Variants in CCDC9 observed in about 807,000 individuals in gnomAD.
CCDC9 encodes coiled-coil domain containing 9.
In CCDC9, 52 loss-of-function variants were observed where a neutral mutation model predicts 65.6. That is an observed-to-expected ratio of 0.79 (90% CI 0.63 to 1.00). CCDC9 has a LOEUF of 1.00. Ranked by LOEUF, CCDC9 falls within the 50% of genes least tolerant of loss-of-function variation. The pLI, the probability that CCDC9 is intolerant of heterozygous loss-of-function variation, is 0.00. For missense variants in CCDC9, 834 were observed against 757.2 expected (o/e 1.10, Z -1.19); for synonymous variants, 332 against 280.3 (o/e 1.18, Z -1.84).
Position 47,258,106 on chromosome 19 carries a change from G to A in CCDC9, c.-71-224G>A, listed in dbSNP as rs888940125. On this transcript the variant is annotated intron_variant, in intron 1 of 11. Coordinates refer to ENST00000221922, the MANE Select transcript of CCDC9 (RefSeq NM_015603.3). ...TCCCCAAGGTGGGTTTGACTAGATC[G>A]TTTACATGGGAACTGGGTGAGTCCA... 11 of 509,676 alleles carry A rather than the reference G, an allele frequency of 2.2e-5. No homozygotes were observed. The East Asian group carries it at 3.9e-4, about 18-fold the overall frequency. The allele number at this position is 509,676 out of a possible 1,614,324, so 31.6% of individuals were successfully genotyped here. A position where few individuals can be genotyped will look rare whatever the true frequency, so the allele number is the denominator to read the frequency against.
At chr19:47,270,017 C>T (rs2059105169) in intron 8 of CCDC9, among the ~76,000 whole-genome samples, 2 of 151,720 alleles carry the variant, frequency 1.3e-5, no homozygotes, top group South Asian at 4.2e-4. Flanking sequence ...CACCCAGGCT[C>T]GAGTACAGTG....
At chr19:47,262,414 G>A (rs1233139205) in intron 5 of CCDC9, among the ~76,000 whole-genome samples, 3 of 151,864 alleles carry the variant, frequency 2.0e-5, no homozygotes, top group Non-Finnish European at 4.4e-5. Flanking sequence ...ATGGGGTTTC[G>A]CCATGTTGGC....
chr19:47,272,281 G>A (rs764367080), downstream of CCDC9: 46 of 676,746 alleles, frequency 6.8e-5, no homozygotes, highest in Admixed American at 8.8e-5. Flanking sequence ...GACCATAGAG[G>A]TGAGGTGAAA....
intron 8 of CCDC9, among the ~76,000 whole-genome samples, chr19:47,268,628 T>G (rs78455130): frequency 0.14 from 21,929 of 151,978 alleles, 1,716 homozygotes; most frequent in South Asian, 0.26. Flanking sequence ...ATGAATAATG[T>G]TTGTGTGGGC....
chr19:47,272,033 G>A (rs914583225), downstream of CCDC9: 169 of 1,237,306 alleles, frequency 1.4e-4, no homozygotes, highest in Non-Finnish European at 1.7e-4. Flanking sequence ...GATGTCAGGC[G>A]GGAAAGGGGG....
Position 47,260,599 on chromosome 19 carries a change from G to A in CCDC9, c.222G>A (p.Leu74=). 6.5e-7 allele frequency: 1 copy of A among 1,529,234 alleles called. No individual in the cohort carries two copies. The highest frequency in any genetic ancestry group is 8.7e-7 in the Non-Finnish European group (1 of 1,146,808). 94.7% of individuals were successfully genotyped at this position (1,529,234 alleles called of 1,614,324 possible). A position where few individuals can be genotyped will look rare whatever the true frequency, so the allele number is the denominator to read the frequency against. ...CTCCCCTCTTCCAGGAGAAGAACCT[G>A]GGTCCTTCCCGGAGGTCTCCTGGGA... ...ENVAVESEKN[L]GPSRRSPGTP... The change falls in exon 5 of 12, where the codon CTG becomes CTA. Residue 74 remains leucine, a synonymous_variant. Coordinates refer to ENST00000221922, the MANE Select transcript of CCDC9 (RefSeq NM_015603.3).
In CCDC9 at chr19:47,264,875, C is replaced by G; in HGVS notation, c.649C>G (p.Arg217Gly). 2.0e-6 allele frequency: 3 copies of G among 1,482,118 alleles called. No individual in the cohort carries two copies. The highest frequency in any genetic ancestry group is 2.3e-5 in the East Asian group (1 of 42,594). The allele number at this position is 1,482,118 out of a possible 1,614,324, so 91.8% of individuals were successfully genotyped here. The change falls in exon 7 of 12, where the codon CGC (arginine) becomes GGC (glycine). Residue 217 changes from arginine to glycine, a missense_variant. Arg to Gly is a moderately radical substitution (Grantham distance 125, BLOSUM62 -2). Transcript: ENST00000221922. ...TGAGCGGGACCGCCGGGAGGAGAGC[C>G]GCCGGCACGGCCGCAACTGGGGGGG... is the stretch of plus-strand genomic sequence containing the variant. ...ESERDRREES[R>G]RHGRNWGGPD... is the part of the protein sequence containing the mutation.
chr19:47,261,660 C>T (rs1204913684), intron 5 of CCDC9, among the ~76,000 whole-genome samples: 1 of 139,434 alleles, frequency 7.2e-6, no homozygotes, highest in Non-Finnish European at 1.5e-5. Context: ...CACAGTGAGC[C>T]GAGATCATGC....
chr19:47,275,353 CCCTT>C, downstream of CCDC9: 1 of 1,536,914 alleles, frequency 6.5e-7, no homozygotes, highest in Non-Finnish European at 8.8e-7. Context: ...GGGTAACTCT[CCCTT>C]CCACCCCAAC....
chr19:47,273,257 A>G (rs2059134769), downstream of CCDC9: 3 of 692,196 alleles, frequency 4.3e-6, no homozygotes, highest in Non-Finnish European at 6.1e-6. Context: ...CAAGGGCTCG[A>G]ACTGGATGAG....
At chr19:47,265,777 T>A (rs1475193641) in intron 7 of CCDC9, among the ~76,000 whole-genome samples, 1 of 150,214 alleles carries the variant, frequency 6.7e-6, no homozygotes, top group Non-Finnish European at 1.5e-5. Flanking sequence ...AAGCTCCGAC[T>A]CCCGGGTTCA....
Position 47,271,727 on chromosome 19 carries a change from G to GTT in CCDC9, c.*50_*51insTT. ...TGTGTGTGTGTGTGTGTGTGTGTGTGTGTGTGCGCGCGCGCGCGCGCGCGC... is the reference window on the plus strand; with the variant it reads ...TGTGTGTGTGTGTGTGTGTGTGTGTGTTTGTGTGCGCGCGCGCGCGCGCGCGC... On this transcript the variant is annotated 3_prime_UTR_variant, in exon 12 of 12. Transcript: ENST00000221922. 1.2e-6 allele frequency: 1 copy of GTT among 815,000 alleles called. No individual in the cohort carries two copies. The highest frequency in any genetic ancestry group is 1.5e-6 in the Non-Finnish European group (1 of 669,276). The allele number at this position is 815,000 out of a possible 1,614,324, so 50.5% of individuals were successfully genotyped here.
intron 3 of CCDC9, among the ~76,000 whole-genome samples, chr19:47,259,978 G>T (rs1176928619): frequency 6.6e-6 from 1 of 152,170 alleles, no homozygotes; most frequent in African/African-American, 2.4e-5. Context: ...ATCCGCTGGC[G>T]CAAAGCCCCT....
intron 3 of CCDC9, among the ~76,000 whole-genome samples, chr19:47,259,714 G>A (rs1282992472): frequency 1.3e-5 from 2 of 152,220 alleles, no homozygotes; most frequent in Admixed American, 6.5e-5. Context: ...TGGGATACAC[G>A]TCAGTGACAT....
chr19:47,270,262 C>A, intron 8 of CCDC9, 145 bp from the exon 9 acceptor site: 1 of 760,090 alleles, frequency 1.3e-6, no homozygotes, highest in Non-Finnish European at 2.2e-6. Flanking sequence ...AGCCACCATG[C>A]CCGGCCCTGT....
chr19:47,274,296 G>A (rs1033755214), downstream of CCDC9, among the ~76,000 whole-genome samples: 8 of 151,304 alleles, frequency 5.3e-5, no homozygotes, highest in Admixed American at 1.3e-4. Flanking sequence ...AATCCTGACA[G>A]GCGGAGTTAG....
chr19:47,265,986 T>C (rs1301558166), intron 7 of CCDC9, among the ~76,000 whole-genome samples: 440 of 30,380 alleles, frequency 0.014, 71 homozygotes, highest in Admixed American at 0.074. Flanking sequence ...GCTCCTGGCT[T>C]TTTTTTTTTT....
intron 5 of CCDC9, among the ~76,000 whole-genome samples, chr19:47,263,838 A>G (rs2059061944): frequency 6.6e-6 from 1 of 151,708 alleles, no homozygotes; most frequent in Admixed American, 6.6e-5. Flanking sequence ...TGCTGGGAAT[A>G]CAGGCGTGAG....
chr19:47,269,785 C>A (rs1022726504), intron 8 of CCDC9, among the ~76,000 whole-genome samples: 3 of 152,166 alleles, frequency 2.0e-5, no homozygotes, highest in Admixed American at 2.0e-4. Context: ...GGTGGAAGAG[C>A]CTGCTTAGCT....
Sources: allele counts gnomAD v4.1 joint callset (sites outside exome capture counted in the v4.1 genomes callset), GRCh38; gene constraint gnomAD v4.1.1; transcripts MANE v1.5; gene names NCBI Gene and HGNC (gene_info 2026-07-23, HGNC 2026-07-21).